Variants in UGT1A4 observed in about 807,000 individuals in gnomAD.
The protein encoded by UGT1A4 is UDP glucuronosyltransferase family 1 member A4.
UGT1A4 carries 32 observed loss-of-function variants against 41.1 expected under a neutral mutation model. The observed-to-expected ratio is 0.78, with a 90% CI of 0.59 to 1.05. The LOEUF (loss-of-function observed/expected upper bound fraction) is 1.05, where lower values mean the gene tolerates loss of function less well. Ranked by LOEUF, UGT1A4 falls within the 50% of genes least tolerant of loss-of-function variation. UGT1A4 has a pLI of 0.00. For missense variants in UGT1A4, 748 were observed against 677.4 expected, an observed-to-expected ratio of 1.10 and a Z score of -1.16; for synonymous variants, 283 against 265.1, an observed-to-expected ratio of 1.07 and a Z score of -0.66.
chr2:233,752,046 G>A (rs1694879405), intron 1 of UGT1A4, among the ~76,000 whole-genome samples: 1 of 152,240 alleles, frequency 6.6e-6, no homozygotes, highest in African/African-American at 2.4e-5. Flanking sequence ...AAGCTGTTGT[G>A]TGAATGATTT....
chr2:233,730,157 C>T (rs1042969682), intron 1 of UGT1A4, among the ~76,000 whole-genome samples: 1 of 152,168 alleles, frequency 6.6e-6, no homozygotes, highest in Non-Finnish European at 1.5e-5. Context: ...TAAGGGGTCT[C>T]TAGTAGCGTA....
In UGT1A4 at chr2:233,725,076, A is replaced by G. The variant is rs376662690; in HGVS notation, c.867+5389A>G. ...GCGGCGCGCGCCTGCAATCGCAGGC[A>G]CTCGGCAGGCTGAGGCAGGAGAATC... On this transcript the variant is annotated intron_variant, in intron 1 of 4. Transcript: ENST00000373409. 5.6e-3 allele frequency among the ~76,000 whole-genome samples: 814 copies of G among 144,798 alleles called. 36 individuals carry two copies. Among genetic ancestry groups the G allele is most frequent in the Non-Finnish European group, 8.9e-3 (583 of 65,736 alleles). 95.0% of individuals were successfully genotyped at this position (144,798 alleles called of 152,430 possible).
chr2:233,724,302 T>C (rs1575551867), intron 1 of UGT1A4, among the ~76,000 whole-genome samples: 2 of 123,390 alleles, frequency 1.6e-5, no homozygotes, highest in Admixed American at 8.1e-5. Flanking sequence ...CCCCCCCACC[T>C]CCCTCCCGGA....
chr2:233,769,536 A>G lies in UGT1A4; in HGVS notation c.1307+1097A>G. On this transcript the variant is annotated intron_variant, in intron 4 of 4. Transcript: ENST00000373409. This position sits in a 1 kb window ranked among gnomAD's most constrained non-coding sequence, Gnocchi z 4.4. Reference sequence around the variant, plus strand: ...CCCATGGTTACCTCCTTTAGAAAGAAGCAGCAGTCAGGAAGACAGATGTGA... The same window carrying G: ...CCCATGGTTACCTCCTTTAGAAAGAGGCAGCAGTCAGGAAGACAGATGTGA... 6.2e-7 allele frequency: 1 copy of G among 1,612,938 alleles called. No homozygotes were observed. The highest frequency in any genetic ancestry group is 8.5e-7 in the Non-Finnish European group (1 of 1,179,892).
chr2:233,768,630 A>T (rs1213250960), intron 4 of UGT1A4, among the ~76,000 whole-genome samples, 191 bp downstream of exon 4: 3 of 121,000 alleles, frequency 2.5e-5, no homozygotes, highest in African/African-American at 9.7e-5. Flanking sequence ...TCTGTCACCT[A>T]GGCTGGAGTG....
intron 1 of UGT1A4, among the ~76,000 whole-genome samples, chr2:233,720,005 C>T (rs2076821394): frequency 6.6e-6 from 1 of 152,174 alleles, no homozygotes; most frequent in South Asian, 2.1e-4. Context: ...ACATTCAGAA[C>T]TGATCCATCC....
At chr2:233,729,586 G>A (rs138085546) in intron 1 of UGT1A4, 599 of 1,614,044 alleles carry the variant, frequency 3.7e-4, no homozygotes, top group Non-Finnish European at 4.5e-4. Context: ...AACAGACCCC[G>A]TTAACCTCTG....
chr2:233,747,319 A>G (rs867833419), intron 1 of UGT1A4: 39 of 1,603,648 alleles, frequency 2.4e-5, no homozygotes, highest in Middle Eastern at 3.3e-4. Context: ...GGTGGTACCC[A>G]TTGATGGCAG....
intron 1 of UGT1A4, among the ~76,000 whole-genome samples, chr2:233,728,172 A>G (rs1397087886): frequency 6.6e-6 from 1 of 152,220 alleles, no homozygotes; most frequent in Admixed American, 6.5e-5. Context: ...TGGAGGAACC[A>G]TTCTTATCAG....
In UGT1A4 at chr2:233,743,574, A is replaced by T. The variant is rs763461022; in HGVS notation, c.868-23460A>T. ...AAAATATTCTCCAGCGGGTTTCCCA[A>T]GAGGTCAAAGGAGAATGGGTCCTGG... is the stretch of plus-strand genomic sequence containing the variant. On this transcript the variant is annotated intron_variant, in intron 1 of 4. Coordinates refer to ENST00000373409, the MANE Select transcript of UGT1A4 (RefSeq NM_007120.3). 5 of 1,367,184 alleles carry T rather than the reference A, an allele frequency of 3.7e-6. No individual in the cohort carries two copies. The East Asian group carries it at 2.3e-4, about 62-fold the overall frequency. The allele number at this position is 1,367,184 out of a possible 1,614,324, so 84.7% of individuals were successfully genotyped here. A position where few individuals can be genotyped will look rare whatever the true frequency, so the allele number is the denominator to read the frequency against.
chr2:233,769,809 C>A lies in UGT1A4; in HGVS notation c.1307+1370C>A. On this transcript the variant is annotated intron_variant, in intron 4 of 4. Transcript: ENST00000373409. This position sits in a 1 kb window ranked among gnomAD's most constrained non-coding sequence, Gnocchi z 4.4. Reference sequence around the variant, plus strand: ...GTTGGAGGCTGCTATGAGCCGTGATCATGCCACTGCACTCCAGCAACCTGG... The same window carrying A: ...GTTGGAGGCTGCTATGAGCCGTGATAATGCCACTGCACTCCAGCAACCTGG... 4.2e-6 allele frequency: 4 copies of A among 962,960 alleles called. No homozygotes were observed. The highest frequency in any genetic ancestry group is 3.0e-5 in the East Asian group (1 of 33,100). 59.7% of individuals were successfully genotyped at this position (962,960 alleles called of 1,614,324 possible). A position where few individuals can be genotyped will look rare whatever the true frequency, so the allele number is the denominator to read the frequency against.
At position 233,719,572 on chromosome 2, in the gene UGT1A4, A is replaced by T. The variant is rs2076782519; in HGVS notation, c.752A>T (p.Tyr251Phe). ...REVSVVDLVS[Y>F]ASVWLFRGDF... The stretch of plus-strand genomic sequence containing the variant: ...GTGTCAGTGGTGGATCTTGTCAGCT[A>T]TGCATCCGTGTGGCTGTTCCGAGGG... Residue 251 changes from tyrosine (Y) to phenylalanine (F), a missense_variant, in exon 1 of 5, where the codon TAT becomes TTT. By Grantham distance (22) the Tyr-to-Phe change is conservative. Transcript: ENST00000373409. 6.2e-7 allele frequency: 1 copy of T among 1,613,740 alleles called. No homozygotes were observed. Among genetic ancestry groups the T allele is most frequent in the Admixed American group, 1.7e-5 (1 of 59,976 alleles).
In UGT1A4 at chr2:233,755,690, C is replaced by T. The variant is rs58069490; in HGVS notation, c.868-11344C>T. 7.1e-3 allele frequency: 1,102 copies of T among 155,734 alleles called. 14 individuals carry two copies. Among genetic ancestry groups the T allele is most frequent in the African/African-American group, 0.021 (857 of 41,546 alleles). The allele number at this position is 155,734 out of a possible 1,614,324, so 9.6% of individuals were successfully genotyped here. The stretch of plus-strand genomic sequence containing the variant: ...GTGGTGGGAGTGAGTTTAGTCTGAC[C>T]GGGGCTGAAGACATCCTGTTGTTTA... On this transcript the variant is annotated intron_variant, in intron 1 of 4. Transcript: ENST00000373409.
In UGT1A4 at chr2:233,769,767, A is replaced by G. The variant is rs1575845901; in HGVS notation, c.1307+1328A>G. 7.3e-7 allele frequency: 1 copy of G among 1,374,516 alleles called. No individual in the cohort carries two copies. The highest frequency in any genetic ancestry group is 9.5e-7 in the Non-Finnish European group (1 of 1,054,324). 85.1% of individuals were successfully genotyped at this position (1,374,516 alleles called of 1,614,324 possible). On this transcript the variant is annotated intron_variant, in intron 4 of 4. Coordinates refer to ENST00000373409, the MANE Select transcript of UGT1A4 (RefSeq NM_007120.3). The surrounding 1 kb of genome is among the most constrained non-coding windows in gnomAD (Gnocchi z 4.4). ...CCACTCTGGAGGCTAAGGCGGGAGG[A>G]TTGCTTGAGCCCAGAAGTTGGAGGC...
At chr2:233,743,087 A>G (rs1244920727) in intron 1 of UGT1A4, 3 of 346,168 alleles carry the variant, frequency 8.7e-6, no homozygotes, top group Non-Finnish European at 1.7e-5. Flanking sequence ...AAGTGTTTAT[A>G]AATTCTTGGG....
intron 1 of UGT1A4, among the ~76,000 whole-genome samples, chr2:233,758,187 G>A (rs1223519403): frequency 6.6e-6 from 1 of 152,214 alleles, no homozygotes; most frequent in African/African-American, 2.4e-5. Context: ...ATATTAATTG[G>A]ATTGCTTAGT....
intron 1 of UGT1A4, chr2:233,728,958 A>T (rs2077771946): frequency 1.4e-6 from 2 of 1,444,154 alleles, no homozygotes; most frequent in African/African-American, 2.9e-5. Context: ...CCCACAGTGA[A>T]AAACAGTGAT....
chr2:233,746,953 T>A (rs984665888), intron 1 of UGT1A4, among the ~76,000 whole-genome samples: 1 of 151,790 alleles, frequency 6.6e-6, no homozygotes, highest in Non-Finnish European at 1.5e-5. Context: ...AACAAGAGCT[T>A]GAACTTGGAT....
chr2:233,739,477 G>C (rs569787669), intron 1 of UGT1A4, among the ~76,000 whole-genome samples: 1 of 152,350 alleles, frequency 6.6e-6, no homozygotes, highest in East Asian at 1.9e-4. Context: ...GACCGTGGGA[G>C]CCCATTTCTG....
Sources: allele counts gnomAD v4.1 joint callset (sites outside exome capture counted in the v4.1 genomes callset), GRCh38; gene constraint gnomAD v4.1.1; non-coding constraint Gnocchi (gnomAD v3.1); transcripts MANE v1.5; gene names NCBI Gene and HGNC (gene_info 2026-07-23, HGNC 2026-07-21).